Variants in DCBLD2 observed in about 807,000 individuals in gnomAD.
DCBLD2 encodes discoidin, CUB and LCCL domain containing 2, also known as discoidin, CUB and LCCL domain-containing protein 2.
Under a neutral mutation model 86.8 loss-of-function variants are expected in DCBLD2, and 54 were observed. The observed-to-expected ratio is 0.62, with a 90% CI of 0.50 to 0.78. The LOEUF (loss-of-function observed/expected upper bound fraction) is 0.78, where lower values mean the gene tolerates loss of function less well. DCBLD2 is among the 30% of genes least tolerant of loss of function. DCBLD2 has a pLI of 0.00. For missense variants in DCBLD2, 908 were observed against 954.2 expected (o/e 0.95, Z 0.64); for synonymous variants, 354 against 341.3 (o/e 1.04, Z -0.41).
chr3:98,860,186 A>G (rs1369960283), intron 2 of DCBLD2, among the ~76,000 whole-genome samples: 1 of 152,200 alleles, frequency 6.6e-6, no homozygotes, highest in African/African-American at 2.4e-5. Context: ...AAAGACTAAA[A>G]AGAAATGAAC....
At chr3:98,858,123 G>T (rs1440998402) in intron 2 of DCBLD2, among the ~76,000 whole-genome samples, 1 of 152,246 alleles carries the variant, frequency 6.6e-6, no homozygotes, top group Non-Finnish European at 1.5e-5. Flanking sequence ...CCCACGGGGA[G>T]GCAGCTAAGG....
chr3:98,892,378 C>T (rs1943678033), intron 1 of DCBLD2, among the ~76,000 whole-genome samples: 1 of 152,076 alleles, frequency 6.6e-6, no homozygotes, highest in Non-Finnish European at 1.5e-5. Flanking sequence ...CCTTATCCTT[C>T]TCTGGAAGGT....
At chr3:98,837,926 C>T in intron 3 of DCBLD2, among the ~76,000 whole-genome samples, 1 of 95,894 alleles carries the variant, frequency 1.0e-5, no homozygotes. Context: ...GTGCTGACCC[C>T]CCCATCTCCC....
intron 3 of DCBLD2, among the ~76,000 whole-genome samples, chr3:98,846,343 T>C: frequency 6.6e-6 from 1 of 152,202 alleles, no homozygotes; most frequent in East Asian, 1.9e-4. Flanking sequence ...CTAGGTTCCT[T>C]GAAAATATTT....
chr3:98,851,766 A>C (rs1365662756), intron 2 of DCBLD2, among the ~76,000 whole-genome samples: 1 of 152,230 alleles, frequency 6.6e-6, no homozygotes, highest in Non-Finnish European at 1.5e-5. Flanking sequence ...GAGGCTTCAG[A>C]AATAACACTA....
intron 3 of DCBLD2, among the ~76,000 whole-genome samples, chr3:98,828,517 T>C (rs1465381043): frequency 2.0e-5 from 3 of 152,120 alleles, no homozygotes; most frequent in East Asian, 3.8e-4. Context: ...GACACCACCA[T>C]ACACTCACTA....
chr3:98,836,567 G>C (rs1942454354), intron 3 of DCBLD2, among the ~76,000 whole-genome samples: 2 of 150,796 alleles, frequency 1.3e-5, no homozygotes, highest in South Asian at 4.2e-4. Flanking sequence ...ATTCCACAAA[G>C]CCGCCATTGT....
chr3:98,893,973 C>A (rs1943707678), intron 1 of DCBLD2, among the ~76,000 whole-genome samples: 1 of 152,152 alleles, frequency 6.6e-6, no homozygotes, highest in Non-Finnish European at 1.5e-5. Context: ...TCACGATGAC[C>A]ACATGACTTA....
chr3:98,819,530 A>G, intron 7 of DCBLD2, 113 bp from the exon 8 acceptor site: 1 of 1,059,776 alleles, frequency 9.4e-7, no homozygotes, highest in Non-Finnish European at 1.4e-6. Context: ...CTACACTAAT[A>G]ATACACTGTA....
At chr3:98,892,522 G>T (rs984341013) in intron 1 of DCBLD2, among the ~76,000 whole-genome samples, 1 of 152,024 alleles carries the variant, frequency 6.6e-6, no homozygotes, top group Non-Finnish European at 1.5e-5. Context: ...GTACAATAGG[G>T]AAAATACAGA....
chr3:98,819,269 C>T lies in DCBLD2; in HGVS notation c.1020G>A (p.Trp340Ter). The T allele has an allele frequency of 2.5e-6, 4 of 1,611,932 alleles. No homozygotes were observed. The highest frequency in any genetic ancestry group is 3.4e-6 in the Non-Finnish European group (4 of 1,178,958). Reference protein sequence around the residue: ...KARLKKPGPPWAAFATDEYQW... With the variant: ...KARLKKPGPP ...GGTATTCATCAGTGGCAAAAGCAGC[C>T]CAAGGCGGTCCAGGTTTTTTCAGCC... is the stretch of plus-strand genomic sequence containing the variant. Residue 340 changes from tryptophan to a stop codon, truncating the protein, a stop_gained, in exon 8 of 16, where the codon TGG becomes TGA. Coordinates refer to ENST00000326840, the MANE Select transcript of DCBLD2 (RefSeq NM_080927.4). LOFTEE classifies it high-confidence loss of function.
At position 98,901,211 on chromosome 3, in the gene DCBLD2, C is replaced by CAGGG; in HGVS notation, c.112_115dup (p.Cys39SerfsTer33). 1 of 1,535,978 alleles carries CAGGG rather than the reference C, an allele frequency of 6.5e-7. No homozygotes were observed. The highest frequency in any genetic ancestry group is 8.7e-7 in the Non-Finnish European group (1 of 1,146,476). Reference sequence around the variant, plus strand: ...CATGGAGAAGGAGGAGGAGTTGGAGCAGGGAGGGAGGGAGCGGGAGAGGGG... The same window carrying CAGGG: ...CATGGAGAAGGAGGAGGAGTTGGAGCAGGGAGGGAGGGAGGGAGCGGGAGAGGGG... On this transcript the variant is annotated frameshift_variant, in exon 1 of 16. Transcript: ENST00000326840. LOFTEE classifies it high-confidence loss of function.
At chr3:98,812,263 T>A in intron 10 of DCBLD2, 69 bp downstream of exon 10, 1 of 1,584,790 alleles carries the variant, frequency 6.3e-7, no homozygotes, top group Non-Finnish European at 8.6e-7. Context: ...TTACTCTCTC[T>A]GAGAACAGCA....
chr3:98,881,494 G>C (rs1486300501), intron 2 of DCBLD2, 46 bp downstream of exon 2: 1 of 1,504,370 alleles, frequency 6.6e-7, no homozygotes, highest in South Asian at 1.1e-5. Flanking sequence ...ATACATCATT[G>C]AGACAATGAT....
chr3:98,887,832 C>A (rs1357130910), intron 1 of DCBLD2, among the ~76,000 whole-genome samples: 7 of 151,978 alleles, frequency 4.6e-5, no homozygotes, highest in African/African-American at 9.7e-5. Context: ...CCTACACTGA[C>A]ACATTGTTAT....
At chr3:98,887,826 C>G (rs1406650394) in intron 1 of DCBLD2, among the ~76,000 whole-genome samples, 1 of 151,958 alleles carries the variant, frequency 6.6e-6, no homozygotes, top group Non-Finnish European at 1.5e-5. Context: ...GATGAACCTA[C>G]ACTGACACAT....
chr3:98,844,834 G>C (rs918320371), intron 3 of DCBLD2, among the ~76,000 whole-genome samples: 2 of 152,110 alleles, frequency 1.3e-5, no homozygotes, highest in Admixed American at 6.5e-5. Context: ...CCACATACAC[G>C]TTCAAATTTT....
intron 15 of DCBLD2, 48 bp downstream of exon 15, chr3:98,800,531 A>G: frequency 6.4e-7 from 1 of 1,566,744 alleles, no homozygotes; most frequent in Non-Finnish European, 8.7e-7. Flanking sequence ...TAGCAAGCCT[A>G]AGCAGTTTCT....
At chr3:98,818,454 AAG>A (rs1172321561) in intron 8 of DCBLD2, among the ~76,000 whole-genome samples, 3 of 152,206 alleles carry the variant, frequency 2.0e-5, no homozygotes, top group South Asian at 2.1e-4. Flanking sequence ...ACCTTAAAAA[AAG>A]AGTCTCATTA....
Sources: allele counts gnomAD v4.1 joint callset (sites outside exome capture counted in the v4.1 genomes callset), GRCh38; gene constraint gnomAD v4.1.1; transcripts MANE v1.5; gene names NCBI Gene and HGNC (gene_info 2026-07-23, HGNC 2026-07-21).